Variants in HHLA2 observed in about 807,000 individuals in gnomAD.
HHLA2 encodes the protein HHLA2 member of B7 family, also known as HERV-H LTR-associating protein 2.
HHLA2 carries 48 observed loss-of-function variants against 45.9 expected under a neutral mutation model. The observed-to-expected ratio is 1.05, with a 90% CI of 0.83 to 1.33. HHLA2 has a LOEUF of 1.33. HHLA2 is among the 40% of genes most tolerant of loss of function. The pLI, the probability that HHLA2 is intolerant of heterozygous loss-of-function variation, is 0.00. For missense variants in HHLA2, 462 were observed against 494.3 expected (o/e 0.93, Z 0.62); for synonymous variants, 161 against 173.9 (o/e 0.93, Z 0.59).
At chr3:108,331,532 T>C (rs2081385315) in intron 3 of HHLA2, among the ~76,000 whole-genome samples, 1 of 152,162 alleles carries the variant, frequency 6.6e-6, no homozygotes, top group South Asian at 2.1e-4. Context: ...TATAATCACA[T>C]GCCCTTCTCA....
chr3:108,358,040 G>T (rs185582958), exon 7 of HHLA2: 119 of 1,613,740 alleles, frequency 7.4e-5, no homozygotes, highest in Non-Finnish European at 7.7e-5. Context: ...ACAAAGAGCT[G>T]ATAAACCAGA....
At chr3:108,312,545 GGA>G (rs1186007947) in intron 2 of HHLA2, among the ~76,000 whole-genome samples, 13 of 152,092 alleles carry the variant, frequency 8.5e-5, no homozygotes, top group Admixed American at 2.0e-4. Flanking sequence ...GAGATGCCTG[GGA>G]AGCTATGATG....
chr3:108,336,802 T>TA (rs10696366), intron 3 of HHLA2, among the ~76,000 whole-genome samples: 199 of 146,410 alleles, frequency 1.4e-3, no homozygotes, highest in Non-Finnish European at 1.8e-3. Context: ...GTTATTCCAT[T>TA]AAAAAAAAAA....
At chr3:108,343,454 G>A (rs760170681) in intron 3 of HHLA2, among the ~76,000 whole-genome samples, 20 of 152,194 alleles carry the variant, frequency 1.3e-4, no homozygotes, top group Non-Finnish European at 2.6e-4. Context: ...TTTAAATTCT[G>A]AGGACTGATA....
exon 3 of HHLA2, chr3:108,328,338 A>G (rs2081325541): frequency 6.5e-7 from 1 of 1,530,664 alleles, no homozygotes; most frequent in African/African-American, 1.4e-5. Context: ...CCTAGAACGC[A>G]CCTCCTCTGG....
At chr3:108,330,794 A>G (rs1268096840) in intron 3 of HHLA2, among the ~76,000 whole-genome samples, 1 of 152,192 alleles carries the variant, frequency 6.6e-6, no homozygotes, top group Non-Finnish European at 1.5e-5. Flanking sequence ...GACCAAGCTG[A>G]GCTGTGCCAA....
intron 1 of HHLA2, among the ~76,000 whole-genome samples, chr3:108,302,957 G>A (rs1239123277): frequency 1.3e-5 from 2 of 152,048 alleles, no homozygotes; most frequent in Non-Finnish European, 2.9e-5. Flanking sequence ...TGTCTTTTGT[G>A]GAGAAGTCAA....
intron 8 of HHLA2, among the ~76,000 whole-genome samples, chr3:108,375,005 A>C (rs2082246945): frequency 6.7e-6 from 1 of 148,842 alleles, no homozygotes; most frequent in Non-Finnish European, 1.5e-5. Flanking sequence ...ACTATAAATC[A>C]TGCTGCTATA....
At chr3:108,326,592 T>A (rs1224074993) in intron 2 of HHLA2, 1 of 152,232 alleles carries the variant, frequency 6.6e-6, no homozygotes, top group Non-Finnish European at 1.5e-5. Context: ...TCATATAAGA[T>A]GGCTTTGCAT....
At chr3:108,330,502 T>A (rs1371197111) in intron 3 of HHLA2, among the ~76,000 whole-genome samples, 1 of 152,218 alleles carries the variant, frequency 6.6e-6, no homozygotes, top group Non-Finnish European at 1.5e-5. Context: ...ATTTTTGAGT[T>A]AACCACAAAA....
chr3:108,301,948 A>C (rs948209000), intron 1 of HHLA2, among the ~76,000 whole-genome samples: 1 of 152,184 alleles, frequency 6.6e-6, no homozygotes, highest in Admixed American at 6.5e-5. Flanking sequence ...TACAATATAA[A>C]AGGTAATCCA....
chr3:108,359,257 G>A (rs78721655), intron 7 of HHLA2, among the ~76,000 whole-genome samples: 1 of 151,770 alleles, frequency 6.6e-6, no homozygotes, highest in East Asian at 1.9e-4. Flanking sequence ...CTAATTTTCA[G>A]TTCACACAAA....
intron 1 of HHLA2, among the ~76,000 whole-genome samples, chr3:108,302,017 C>T (rs1576086552): frequency 6.6e-6 from 1 of 152,036 alleles, no homozygotes; most frequent in East Asian, 1.9e-4. Flanking sequence ...TTGAGATATG[C>T]TATAGTTTAG....
intron 1 of HHLA2, among the ~76,000 whole-genome samples, chr3:108,297,736 G>T (rs2080784465): frequency 6.6e-6 from 1 of 152,182 alleles, no homozygotes; most frequent in African/African-American, 2.4e-5. Flanking sequence ...TGGCCCACCA[G>T]CATGTTCTAT....
At chr3:108,370,676 G>A (rs1297908636) in intron 8 of HHLA2, among the ~76,000 whole-genome samples, 2 of 152,142 alleles carry the variant, frequency 1.3e-5, no homozygotes, top group Non-Finnish European at 2.9e-5. Context: ...ACTACATGAC[G>A]AATTCACAAG....
At chr3:108,377,009 A>C (rs2082286918) in intron 10 of HHLA2, 1 of 475,340 alleles carries the variant, frequency 2.1e-6, no homozygotes, top group African/African-American at 2.0e-5. Flanking sequence ...AATAAGGGCC[A>C]GGAGTGTGGT....
chr3:108,354,671 T>G (rs1299113169), intron 5 of HHLA2, among the ~76,000 whole-genome samples: 27 of 152,298 alleles, frequency 1.8e-4, no homozygotes. Context: ...TTGTTTCTTT[T>G]TCTTCTGTCC....
intron 3 of HHLA2, among the ~76,000 whole-genome samples, chr3:108,338,168 T>C (rs917075905): frequency 2.0e-5 from 3 of 151,728 alleles, no homozygotes; most frequent in Non-Finnish European, 4.4e-5. Context: ...TCATATATCA[T>C]AGATATATAG....
chr3:108,371,622 T>A (rs1041898989), intron 8 of HHLA2, among the ~76,000 whole-genome samples: 1 of 152,074 alleles, frequency 6.6e-6, no homozygotes. Flanking sequence ...AATTAAGGGA[T>A]GGAGGAAGAT....
Sources: gnomAD v4.1 joint callset for allele counts (sites outside exome capture counted in the v4.1 genomes callset) on GRCh38, gnomAD v4.1.1 for gene constraint, MANE v1.5 for transcripts, NCBI Gene and HGNC (gene_info 2026-07-23, HGNC 2026-07-21) for gene names.